Variants in SLC25A51 observed in about 807,000 individuals in gnomAD.
SLC25A51 encodes mitochondrial nicotinamide adenine dinucleotide transporter SLC25A51.
A neutral mutation model predicts 19.1 loss-of-function variants in SLC25A51; 11 were observed. That is an observed-to-expected ratio of 0.58 (90% CI 0.36 to 0.96). SLC25A51 has a LOEUF of 0.96. SLC25A51 is among the 40% of genes least tolerant of loss of function. The probability of loss-of-function intolerance (pLI) is 0.01; values close to 1 mark genes in which losing one functional copy is unlikely to be tolerated. For missense variants in SLC25A51, 201 were observed against 365.4 expected (o/e 0.55, Z 3.67); for synonymous variants, 105 against 133.6 (o/e 0.79, Z 1.47).
chr9:37,890,240 TG>T (rs1332265808), intron 2 of SLC25A51, among the ~76,000 whole-genome samples: 1 of 151,988 alleles, frequency 6.6e-6, no homozygotes, highest in Admixed American at 6.6e-5. Flanking sequence ...AAAAATTAGC[TG>T]GGCATGGTAG....
chr9:37,886,180 G>A, downstream of SLC25A51: 2 of 1,495,364 alleles, frequency 1.3e-6, no homozygotes, highest in Non-Finnish European at 9.3e-7. Flanking sequence ...AAGGTGGCAA[G>A]AAGGTAATGC....
downstream of SLC25A51, chr9:37,885,724 T>G: frequency 1.4e-5 from 20 of 1,436,440 alleles, no homozygotes; most frequent in South Asian, 2.1e-4. Context: ...GCCATTGTGA[T>G]GATGAAGAAC....
intron 3 of SLC25A51, chr9:37,880,839 C>T (rs556808912): frequency 1.1e-4 from 17 of 152,266 alleles, no homozygotes; most frequent in African/African-American, 4.1e-4. Context: ...ATGCAGAGAT[C>T]CCCCAGGGCT....
chr9:37,888,995 A>C (rs964908050), intron 2 of SLC25A51, among the ~76,000 whole-genome samples: 1 of 152,260 alleles, frequency 6.6e-6, no homozygotes, highest in African/African-American at 2.4e-5. Flanking sequence ...AAAATGTGTT[A>C]ACATGTAATG....
downstream of SLC25A51, chr9:37,879,182 G>T: frequency 3.2e-6 from 1 of 308,460 alleles, no homozygotes; most frequent in Non-Finnish European, 6.7e-6. Flanking sequence ...TGAGTATGAA[G>T]GGGTGGCAGT....
rs1434406538 is a variant in SLC25A51, at chr9:37,888,328, C to T, written c.223G>A (p.Asp75Asn). 2 of 1,614,236 alleles carry T rather than the reference C, an allele frequency of 1.2e-6. No homozygotes were observed. The highest frequency in any genetic ancestry group is 1.7e-6 in the Non-Finnish European group (2 of 1,180,036). ...CCACGATACAAATTTCGAAATCCAT[C>T]CCTTCTCAACTGAAGTATTGCATCC... Reference protein sequence around the residue: ...TRDAILQLRRDGFRNLYRGIL... With the variant: ...TRDAILQLRRNGFRNLYRGIL... Residue 75 changes from aspartate (D) to asparagine (N), a missense_variant, in exon 3 of 3, where the codon GAT (aspartate) becomes AAT (asparagine). By Grantham distance (23) the Asp-to-Asn change is conservative (BLOSUM62 1). Transcript: ENST00000242275.
At chr9:37,899,590 C>T (rs1831797301) in intron 2 of SLC25A51, among the ~76,000 whole-genome samples, 1 of 152,078 alleles carries the variant, frequency 6.6e-6, no homozygotes, top group Admixed American at 6.6e-5. Flanking sequence ...GTCTGAAGCT[C>T]CTTGGCTCAA....
chr9:37,904,001 C>G (rs1831917547), intron 1 of SLC25A51, 67 bp downstream of exon 1: 1 of 152,646 alleles, frequency 6.6e-6, no homozygotes, highest in East Asian at 1.9e-4. Context: ...CCCTTCAGCG[C>G]GTTTCCCCTC....
In SLC25A51 at chr9:37,893,962, C is replaced by T. The variant is rs1359659982; in HGVS notation, c.-42-5370G>A. ...ACGCTCACCCACCCCTATTCCCTGCCCTCTTCAACCTACTCGTCATTTTAA... is the reference window on the plus strand; with the variant it reads ...ACGCTCACCCACCCCTATTCCCTGCTCTCTTCAACCTACTCGTCATTTTAA... On this transcript the variant is annotated intron_variant, in intron 2 of 2. Transcript: ENST00000242275. 2.6e-5 allele frequency among the ~76,000 whole-genome samples: 4 copies of T among 152,098 alleles called. No homozygotes were observed. In the East Asian group the frequency reaches 7.7e-4, roughly 29 times the overall value.
downstream of SLC25A51, chr9:37,878,659 A>G (rs1831296994): frequency 6.4e-6 from 1 of 155,906 alleles, no homozygotes; most frequent in South Asian, 2.0e-4. Context: ...AGAACTGTAC[A>G]CCGGTTGATA....
chr9:37,887,573 TAAA>T (rs371359761), downstream of SLC25A51: 195 of 1,293,754 alleles, frequency 1.5e-4, no homozygotes, highest in Middle Eastern at 2.1e-4. Flanking sequence ...GGATTTCCTT[TAAA>T]AAAAAAAAAA....
At chr9:37,886,237 C>T, downstream of SLC25A51, 1 of 1,606,516 alleles carries the variant, frequency 6.2e-7, no homozygotes, top group Non-Finnish European at 8.5e-7. Flanking sequence ...CATGGACCTT[C>T]TCTGAGGAGA....
intron 1 of SLC25A51, among the ~76,000 whole-genome samples, chr9:37,902,632 TATTC>T (rs1216925707): frequency 6.6e-6 from 1 of 152,274 alleles, no homozygotes; most frequent in Non-Finnish European, 1.5e-5. Flanking sequence ...TTTATATTTT[TATTC>T]ATTAATGTGG....
chr9:37,894,554 G>A (rs557655842), intron 2 of SLC25A51, among the ~76,000 whole-genome samples: 1 of 152,048 alleles, frequency 6.6e-6, no homozygotes, highest in Admixed American at 6.5e-5. Flanking sequence ...TTGAACTCCT[G>A]GGCTCAAGTG....
downstream of SLC25A51, chr9:37,885,954 G>A (rs1352277617): frequency 2.5e-5 from 40 of 1,613,372 alleles, 1 homozygote; most frequent in South Asian, 2.0e-4. Flanking sequence ...GAACTAGAAC[G>A]GGACAACAGG....
chr9:37,877,844 C>T (rs1831282252), downstream of SLC25A51, among the ~76,000 whole-genome samples: 1 of 151,986 alleles, frequency 6.6e-6, no homozygotes, highest in Admixed American at 6.6e-5. Flanking sequence ...CCTGTCTCTA[C>T]AAAAAATACA....
At chr9:37,880,398 C>T (rs376718367) in exon 4 of SLC25A51, 1 of 151,966 alleles carries the variant, frequency 6.6e-6, no homozygotes, top group East Asian at 1.9e-4. Flanking sequence ...TCGATTTCTA[C>T]TTTAAAATCA....
chr9:37,879,250 G>C (rs1377182774), downstream of SLC25A51: 8 of 272,636 alleles, frequency 2.9e-5, no homozygotes, highest in Non-Finnish European at 4.6e-5. Flanking sequence ...AGTGATGTTT[G>C]GGAACACTAC....
At chr9:37,884,655 AAT>A (rs1294239847), downstream of SLC25A51, among the ~76,000 whole-genome samples, 1 of 152,252 alleles carries the variant, frequency 6.6e-6, no homozygotes, top group Non-Finnish European at 1.5e-5. Context: ...AGGATGCTTG[AAT>A]ATGACCAACT....
Sources: allele counts gnomAD v4.1 joint callset (sites outside exome capture counted in the v4.1 genomes callset), GRCh38; gene constraint gnomAD v4.1.1; transcripts MANE v1.5; gene names NCBI Gene and HGNC (gene_info 2026-07-23, HGNC 2026-07-21).